GPC5: variants seen among roughly 807,000 people sequenced by gnomAD.
The protein encoded by GPC5 is glypican 5, also known as glypican-5.
In GPC5, 47 loss-of-function variants were observed where a neutral mutation model predicts 53.9. That is an observed-to-expected ratio of 0.87 (90% CI 0.69 to 1.11). GPC5 has a LOEUF of 1.11. Ranked by LOEUF, GPC5 falls within the 50% of genes most tolerant of loss-of-function variation. The pLI, the probability that GPC5 is intolerant of heterozygous loss-of-function variation, is 0.00. For synonymous variants in GPC5, 286 were observed against 263.3 expected (o/e 1.09, Z -0.84); for missense variants, 748 against 713.1 (o/e 1.05, Z -0.56).
intron 7 of GPC5, among the ~76,000 whole-genome samples, chr13:92,367,749 C>A (rs1286032848): frequency 6.6e-6 from 1 of 152,150 alleles, no homozygotes; most frequent in African/African-American, 2.4e-5. Context: ...CCATTCCCTC[C>A]CTCACTTGTA....
chr13:91,469,219 A>C (rs201090008), intron 2 of GPC5, among the ~76,000 whole-genome samples: 6 of 151,410 alleles, frequency 4.0e-5, no homozygotes, highest in Middle Eastern at 3.4e-3. Flanking sequence ...AGTGATTCTC[A>C]TGCCTCAGCC....
intron 1 of GPC5, among the ~76,000 whole-genome samples, chr13:91,431,377 G>A (rs984228385): frequency 6.6e-6 from 1 of 152,160 alleles, no homozygotes; most frequent in East Asian, 1.9e-4. Flanking sequence ...TCTGTATAAT[G>A]TGTCGATCAA....
At chr13:91,667,369 T>C (rs556126745) in intron 2 of GPC5, among the ~76,000 whole-genome samples, 68 of 152,202 alleles carry the variant, frequency 4.5e-4, no homozygotes, top group Non-Finnish European at 7.6e-4. Context: ...AATTACATAT[T>C]ACCCCCTTCA....
chr13:92,765,710 A>T lies in GPC5; in HGVS notation c.1562-100572A>T, dbSNP rs1331833980. 3.3e-5 allele frequency among the ~76,000 whole-genome samples: 5 copies of T among 152,278 alleles called. No individual in the cohort carries two copies. The East Asian group carries it at 9.7e-4, about 30-fold the overall frequency. ...TCAAAATTGCATATGTGACCAAGATATCTGTGATTTAACAAGCCTTCCATG... is the reference window on the plus strand; with the variant it reads ...TCAAAATTGCATATGTGACCAAGATTTCTGTGATTTAACAAGCCTTCCATG... On this transcript the variant is annotated intron_variant, in intron 7 of 7. Coordinates refer to ENST00000377067, the MANE Select transcript of GPC5 (RefSeq NM_004466.6).
chr13:91,734,533 A>G (rs1289974393), intron 4 of GPC5, among the ~76,000 whole-genome samples: 1 of 151,462 alleles, frequency 6.6e-6, no homozygotes, highest in Admixed American at 6.6e-5. Context: ...AAGTCAGTAC[A>G]GAGGTAGTGT....
chr13:92,160,148 G>A (rs1052132488), intron 7 of GPC5, among the ~76,000 whole-genome samples: 5 of 151,920 alleles, frequency 3.3e-5, no homozygotes, highest in African/African-American at 4.8e-5. Context: ...GACCTCAAGC[G>A]ATCCACTTGC....
intron 5 of GPC5, among the ~76,000 whole-genome samples, chr13:91,773,024 A>T (rs905486891): frequency 6.6e-6 from 1 of 152,176 alleles, no homozygotes; most frequent in Non-Finnish European, 1.5e-5. Context: ...TACTGTAGAA[A>T]TGATGTGAGA....
At chr13:91,992,376 T>C (rs1235443521) in intron 6 of GPC5, among the ~76,000 whole-genome samples, 1 of 152,026 alleles carries the variant, frequency 6.6e-6, no homozygotes, top group Non-Finnish European at 1.5e-5. Flanking sequence ...GTGGAAAACA[T>C]AACCATTCTT....
chr13:92,653,879 TAGTC>T (rs1886040001), intron 7 of GPC5, among the ~76,000 whole-genome samples: 3 of 152,182 alleles, frequency 2.0e-5, no homozygotes, highest in East Asian at 3.9e-4. Context: ...AAGTAGTACT[TAGTC>T]AGTGCCCAGA....
At chr13:92,486,525 A>G (rs538611333) in intron 7 of GPC5, among the ~76,000 whole-genome samples, 4 of 152,310 alleles carry the variant, frequency 2.6e-5, no homozygotes, top group Middle Eastern at 3.4e-3. Context: ...TGATTTGTTG[A>G]CATAGGGAAC....
At chr13:91,807,101 T>C (rs2038234312) in intron 5 of GPC5, among the ~76,000 whole-genome samples, 1 of 152,138 alleles carries the variant, frequency 6.6e-6, no homozygotes, top group African/African-American at 2.4e-5. Context: ...AAGAATAGGC[T>C]TCTAGCTCCT....
chr13:92,118,041 CAGAG>C (rs758190129), intron 6 of GPC5, among the ~76,000 whole-genome samples: 277 of 152,200 alleles, frequency 1.8e-3, no homozygotes, highest in Non-Finnish European at 2.8e-3. Flanking sequence ...TGAAATTAAT[CAGAG>C]AGTCGCCATT....
intron 2 of GPC5, among the ~76,000 whole-genome samples, chr13:91,468,103 G>A (rs911753346): frequency 4.6e-5 from 7 of 152,252 alleles, no homozygotes; most frequent in Admixed American, 2.6e-4. Flanking sequence ...AGGAAAGATG[G>A]TCCTGGTCCC....
intron 7 of GPC5, among the ~76,000 whole-genome samples, chr13:92,456,462 C>G (rs1298071587): frequency 6.6e-6 from 1 of 152,178 alleles, no homozygotes; most frequent in Non-Finnish European, 1.5e-5. Context: ...ACCTCCCTTT[C>G]CGTCATCCAT....
intron 7 of GPC5, among the ~76,000 whole-genome samples, chr13:92,386,367 A>C (rs905601244): frequency 5.3e-5 from 8 of 152,038 alleles, no homozygotes; most frequent in African/African-American, 1.9e-4. Flanking sequence ...TTCATAGATA[A>C]TAATACTTGC....
At chr13:91,625,501 G>A (rs547235343) in intron 2 of GPC5, among the ~76,000 whole-genome samples, 6 of 152,100 alleles carry the variant, frequency 3.9e-5, no homozygotes, top group Admixed American at 1.3e-4. Context: ...TCATTTAGTC[G>A]TGCGGAAAAA....
intron 5 of GPC5, among the ~76,000 whole-genome samples, chr13:91,761,213 C>T (rs1045122140): frequency 1.3e-5 from 2 of 152,168 alleles, no homozygotes; most frequent in Non-Finnish European, 2.9e-5. Context: ...AACTGTCCCT[C>T]AGTCTCCAGG....
At chr13:91,671,331 A>G (rs368621407) in intron 2 of GPC5, among the ~76,000 whole-genome samples, 6 of 152,154 alleles carry the variant, frequency 3.9e-5, no homozygotes, top group African/African-American at 1.2e-4. Context: ...ATATTGAATC[A>G]AAGAATCTGT....
At chr13:92,390,451 G>A (rs1246208954) in intron 7 of GPC5, among the ~76,000 whole-genome samples, 1 of 152,096 alleles carries the variant, frequency 6.6e-6, no homozygotes, top group Non-Finnish European at 1.5e-5. Flanking sequence ...CAGCATTAGG[G>A]TGATGGAGAC....
Sources: gnomAD v4.1 joint callset for allele counts (sites outside exome capture counted in the v4.1 genomes callset) on GRCh38, gnomAD v4.1.1 for gene constraint, MANE v1.5 for transcripts, NCBI Gene and HGNC (gene_info 2026-07-23, HGNC 2026-07-21) for gene names.